The following SCARA5 variants were observed in gnomAD, a reference collection of about 807,000 sequenced individuals.
SCARA5 encodes the protein scavenger receptor class A, member 5 (putative).
In SCARA5, 45 loss-of-function variants were observed where a neutral mutation model predicts 46.3. The ratio of observed to expected loss-of-function variants is 0.97; its 90% confidence interval spans 0.76 to 1.24. The LOEUF is 1.24. Ranked by LOEUF, SCARA5 falls within the 50% of genes most tolerant of loss-of-function variation. SCARA5 has a pLI of 0.00. For missense variants in SCARA5, 680 were observed against 689.0 expected (o/e 0.99, Z 0.15); for synonymous variants, 333 against 306.5 (o/e 1.09, Z -0.90).
chr8:27,950,986 T>TGGTGG (rs1808117757), intron 3 of SCARA5, among the ~76,000 whole-genome samples: 1 of 151,760 alleles, frequency 6.6e-6, no homozygotes, highest in Non-Finnish European at 1.5e-5. Context: ...TCAAGAGGAA[T>TGGTGG]GGTGGGTGCT....
rs376062908 is a variant in SCARA5 at position 27,871,922 on chromosome 8, C to T, written c.*12G>A. The T allele has an allele frequency of 6.2e-7, 1 of 1,613,810 alleles. No individual in the cohort carries two copies. Among genetic ancestry groups the T allele is most frequent in the Non-Finnish European group, 8.5e-7 (1 of 1,180,046 alleles). On this transcript the variant is annotated 3_prime_UTR_variant, in exon 9 of 9. Transcript: ENST00000354914. ...CTCTGTGCAGGACCCCGAACTTGGG[C>T]TCTGCCCACTTTCAGTGTCTGTTGC...
intron 3 of SCARA5, among the ~76,000 whole-genome samples, chr8:27,962,078 A>G (rs1340925328): frequency 1.3e-5 from 2 of 152,206 alleles, no homozygotes; most frequent in Non-Finnish European, 2.9e-5. Flanking sequence ...AGTAGATGAG[A>G]TGCAGGTAAA....
intron 7 of SCARA5, among the ~76,000 whole-genome samples, chr8:27,888,990 C>T (rs978083137): frequency 2.6e-5 from 4 of 152,190 alleles, no homozygotes; most frequent in African/African-American, 7.2e-5. Context: ...AGCTCTCTGC[C>T]TCACTGCAGC....
intron 1 of SCARA5, among the ~76,000 whole-genome samples, chr8:27,989,129 CTTTTTTTTTTTTTTTTT>C (rs34929623): frequency 5.9e-5 from 4 of 68,312 alleles, no homozygotes; most frequent in Non-Finnish European, 1.0e-4. Context: ...TTCTTTCTTT[CTTTTTTTTTTTTTTTTT>C]TTTTTTTGAG....
rs920237504 is a variant in SCARA5 at position 27,921,518 on chromosome 8, G to A, written c.916+53C>T. The A allele has an allele frequency of 2.7e-6, 4 of 1,458,194 alleles. No homozygotes were observed. The African/African-American group carries it at 5.7e-5, about 21-fold the overall frequency. 90.3% of individuals were successfully genotyped at this position (1,458,194 alleles called of 1,614,324 possible). ...GTCCTTGGGGAGGGGCGTGCAGGAGGAAGACCCCATCAGAAGGGGCCGTGG... is the reference window on the plus strand; with the variant it reads ...GTCCTTGGGGAGGGGCGTGCAGGAGAAAGACCCCATCAGAAGGGGCCGTGG... On this transcript the variant is annotated intron_variant, in intron 4 of 8. Transcript: ENST00000354914.
chr8:27,958,483 G>A (rs995082625), intron 3 of SCARA5, among the ~76,000 whole-genome samples: 9 of 152,170 alleles, frequency 5.9e-5, no homozygotes, highest in African/African-American at 2.2e-4. Flanking sequence ...CACCTCCCAG[G>A]ATACAAGGGG....
intron 3 of SCARA5, among the ~76,000 whole-genome samples, chr8:27,929,524 C>T (rs774799988): frequency 3.9e-5 from 6 of 152,136 alleles, no homozygotes; most frequent in Non-Finnish European, 7.4e-5. Flanking sequence ...TCCATTGCCT[C>T]ACTTAATTTT....
chr8:27,931,434 C>CA (rs1385958308), intron 3 of SCARA5, among the ~76,000 whole-genome samples: 1 of 152,088 alleles, frequency 6.6e-6, no homozygotes, highest in Non-Finnish European at 1.5e-5. Context: ...GAATGGGGTC[C>CA]AGCCACCCAG....
At chr8:27,894,969 A>C (rs939709) in intron 7 of SCARA5, among the ~76,000 whole-genome samples, 133,581 of 152,134 alleles carry the variant, frequency 0.88, 59,602 homozygotes, top group East Asian at 1. Context: ...TAAATACCCC[A>C]AAACCTGCTT....
At chr8:27,968,381 A>G (rs991089038) in intron 2 of SCARA5, among the ~76,000 whole-genome samples, 4 of 152,226 alleles carry the variant, frequency 2.6e-5, no homozygotes, top group Admixed American at 6.5e-5. Context: ...TGAAGAGTTG[A>G]GCTGATTTTC....
chr8:27,909,434 C>T (rs1243421718), intron 5 of SCARA5, among the ~76,000 whole-genome samples: 1 of 152,154 alleles, frequency 6.6e-6, no homozygotes, highest in Non-Finnish European at 1.5e-5. Flanking sequence ...GAGCTGCAGG[C>T]CTGTCCTGTA....
intron 2 of SCARA5, among the ~76,000 whole-genome samples, chr8:27,985,402 G>T (rs1218544824): frequency 6.6e-6 from 1 of 152,158 alleles, no homozygotes; most frequent in Non-Finnish European, 1.5e-5. Flanking sequence ...AGCACAGAGG[G>T]GAGAGGCACA....
chr8:27,984,456 C>T (rs1808669163), intron 2 of SCARA5, among the ~76,000 whole-genome samples: 1 of 152,170 alleles, frequency 6.6e-6, no homozygotes, highest in Non-Finnish European at 1.5e-5. Context: ...CTTCGAGGAC[C>T]CCTCTGTTTA....
chr8:27,985,356 G>A (rs1158425014), intron 2 of SCARA5, among the ~76,000 whole-genome samples: 2 of 152,182 alleles, frequency 1.3e-5, no homozygotes, highest in Non-Finnish European at 2.9e-5. Flanking sequence ...AAAGACCCAG[G>A]TGAGCAAGTC....
intron 3 of SCARA5, among the ~76,000 whole-genome samples, chr8:27,925,718 C>A (rs1807669499): frequency 6.6e-6 from 1 of 152,090 alleles, no homozygotes; most frequent in South Asian, 2.1e-4. Flanking sequence ...GGCTAATATC[C>A]AGAATCTACA....
At chr8:27,925,219 G>A (rs1375890299) in intron 3 of SCARA5, among the ~76,000 whole-genome samples, 1 of 152,154 alleles carries the variant, frequency 6.6e-6, no homozygotes, top group Non-Finnish European at 1.5e-5. Flanking sequence ...GAGGCATCAT[G>A]CTACCTGACT....
intron 2 of SCARA5, among the ~76,000 whole-genome samples, chr8:27,981,347 G>T (rs1042202059): frequency 6.6e-5 from 10 of 152,220 alleles, no homozygotes; most frequent in African/African-American, 2.4e-4. Flanking sequence ...GGCCCAAAGG[G>T]TCAGGGATGG....
intron 6 of SCARA5, among the ~76,000 whole-genome samples, chr8:27,905,712 T>G (rs1237416500): frequency 6.8e-6 from 1 of 147,436 alleles, no homozygotes; most frequent in Non-Finnish European, 1.5e-5. Flanking sequence ...TTTCTTTTTT[T>G]TTTTTTTTTT....
At position 27,894,786 on chromosome 8, in the gene SCARA5, C is replaced by T. The variant is rs571973766; in HGVS notation, c.1153+9992G>A. Among the ~76,000 whole-genome samples, 81 of 152,284 alleles carry T rather than the reference C, an allele frequency of 5.3e-4. No homozygotes were observed. The South Asian group carries it at 0.013, about 25-fold the overall frequency. Reference sequence around the variant, plus strand: ...TCTCTGCACTCCCCATGGGAAGCTGCGTGAAGGGGGCCACCATTCTGCATC... The same window carrying T: ...TCTCTGCACTCCCCATGGGAAGCTGTGTGAAGGGGGCCACCATTCTGCATC... On this transcript the variant is annotated intron_variant, in intron 7 of 8. Coordinates refer to ENST00000354914, the MANE Select transcript of SCARA5 (RefSeq NM_173833.6).
Sources: gnomAD v4.1 joint callset for allele counts (sites outside exome capture counted in the v4.1 genomes callset) on GRCh38, gnomAD v4.1.1 for gene constraint, MANE v1.5 for transcripts, NCBI Gene and HGNC (gene_info 2026-07-23, HGNC 2026-07-21) for gene names.